The following ARMC2 variants were observed in gnomAD, a reference collection of about 807,000 sequenced individuals.
ARMC2 encodes the protein armadillo repeat containing 2.
Under a neutral mutation model 90.3 loss-of-function variants are expected in ARMC2, and 67 were observed. The ratio of observed to expected loss-of-function variants is 0.74; its 90% CI spans 0.61 to 0.91. The LOEUF (loss-of-function observed/expected upper bound fraction) is 0.91. Among genes scored for constraint, ARMC2 ranks in the 40% least tolerant of loss-of-function variants. The pLI is 0.00. For missense variants in ARMC2, 920 were observed against 1,030.9 expected (o/e 0.89, Z 1.47); for synonymous variants, 393 against 393.0 (o/e 1.00, Z 0.00).
rs549766267 is a variant in ARMC2 at position 108,956,115 on chromosome 6, G to A, written c.1915+2764G>A. The stretch of plus-strand genomic sequence containing the variant: ...AGCAGAAGCCTGAAACCGACTGGGC[G>A]AATTCTCATCTGTTGCAGAATTAAT... On this transcript the variant is annotated intron_variant, in intron 13 of 17. Transcript: ENST00000392644. 4.5e-4 allele frequency among the ~76,000 whole-genome samples: 68 copies of A among 152,260 alleles called. No individual in the cohort carries two copies. The East Asian group carries it at 0.011, about 24-fold the overall frequency.
chr6:109,021,604 AT>A, the ARMC2 span, among the ~76,000 whole-genome samples: 3 of 150,936 alleles, frequency 2.0e-5, no homozygotes, highest in African/African-American at 4.9e-5. Flanking sequence ...AGCCTGGCTA[AT>A]TTTTTTTTGT....
At chr6:108,886,476 G>C (rs2768532) in intron 5 of ARMC2, among the ~76,000 whole-genome samples, 143,219 of 152,220 alleles carry the variant, frequency 0.94, 67,815 homozygotes, top group Non-Finnish European at 1. Context: ...GAGGCTGTGG[G>C]AGGAGAATCA....
At chr6:108,900,886 C>G (rs1425596184) in intron 7 of ARMC2, among the ~76,000 whole-genome samples, 1 of 152,020 alleles carries the variant, frequency 6.6e-6, no homozygotes, top group Non-Finnish European at 1.5e-5. Flanking sequence ...TGACTTTTTC[C>G]CCTCTAGAGT....
chr6:109,046,178 C>T, the ARMC2 span, among the ~76,000 whole-genome samples: 10 of 151,456 alleles, frequency 6.6e-5, no homozygotes, highest in African/African-American at 2.4e-4. Context: ...CATCTCGGCT[C>T]ACTGCAACCT....
At chr6:108,961,167 G>A (rs1440860757) in intron 13 of ARMC2, among the ~76,000 whole-genome samples, 2 of 152,132 alleles carry the variant, frequency 1.3e-5, no homozygotes. Context: ...GTTGGGAGGC[G>A]GTGTGGGAAG....
intron 17 of ARMC2, among the ~76,000 whole-genome samples, chr6:108,968,509 T>C (rs11964743): frequency 0.016 from 2,377 of 152,288 alleles, 66 homozygotes; most frequent in African/African-American, 0.054. Flanking sequence ...ATGGGGACTG[T>C]GCCTTGTGGG....
intron 10 of ARMC2, among the ~76,000 whole-genome samples, chr6:108,916,375 T>A (rs915655222): frequency 1.3e-5 from 2 of 152,246 alleles, no homozygotes; most frequent in Non-Finnish European, 2.9e-5. Context: ...TGGCCAACAT[T>A]GCATTCAGTT....
chr6:109,012,068 A>G, the ARMC2 span, among the ~76,000 whole-genome samples: 2 of 152,190 alleles, frequency 1.3e-5, no homozygotes, highest in African/African-American at 4.8e-5. Flanking sequence ...TGCTCCTCTC[A>G]ACCTCTAGGG....
intron 5 of ARMC2, among the ~76,000 whole-genome samples, chr6:108,892,463 A>G (rs1032629981): frequency 3.3e-5 from 5 of 152,044 alleles, no homozygotes; most frequent in Admixed American, 2.6e-4. Flanking sequence ...GTGTTTAAAA[A>G]AAAAATGGGG....
intron 8 of ARMC2, among the ~76,000 whole-genome samples, chr6:108,908,611 G>T (rs534467098): frequency 6.6e-6 from 1 of 152,200 alleles, no homozygotes; most frequent in East Asian, 1.9e-4. Flanking sequence ...AGCCAGGCAT[G>T]GTGGCACATG....
chr6:108,989,400 TAG>T, the ARMC2 span, among the ~76,000 whole-genome samples: 3 of 150,562 alleles, frequency 2.0e-5, no homozygotes, highest in Non-Finnish European at 4.4e-5. Context: ...TCTCTATATA[TAG>T]ATAGATATCT....
the ARMC2 span, among the ~76,000 whole-genome samples, chr6:109,035,545 A>AG: frequency 1.3e-3 from 188 of 148,840 alleles, 1 homozygote; most frequent in African/African-American, 4.2e-3. Flanking sequence ...TACCCGGCAG[A>AG]GGGAAAAAAA....
intron 12 of ARMC2, among the ~76,000 whole-genome samples, chr6:108,949,547 C>T (rs1286202663): frequency 6.6e-6 from 1 of 152,150 alleles, no homozygotes; most frequent in Non-Finnish European, 1.5e-5. Flanking sequence ...GTTTATAGTC[C>T]TCAGCTTAGA....
intron 9 of ARMC2, 48 bp from the exon 10 acceptor site, chr6:108,912,287 C>T: frequency 7.4e-7 from 1 of 1,350,762 alleles, no homozygotes; most frequent in African/African-American, 1.5e-5. Context: ...ATATATTTCT[C>T]TCCAGCTGTT....
chr6:108,975,937 C>T (rs935740358), downstream of ARMC2, among the ~76,000 whole-genome samples: 21 of 152,142 alleles, frequency 1.4e-4, no homozygotes, highest in African/African-American at 4.3e-4. Flanking sequence ...AAAATTTTCT[C>T]GTATTCTGTA....
chr6:108,924,970 G>A (rs959913048), intron 10 of ARMC2, among the ~76,000 whole-genome samples: 4 of 152,190 alleles, frequency 2.6e-5, no homozygotes, highest in Admixed American at 1.3e-4. Context: ...GAGTTTAGGA[G>A]CTTGGGAAGG....
At chr6:109,000,292 TAG>T in the ARMC2 span, 1 of 423,592 alleles carries the variant, frequency 2.4e-6, no homozygotes, top group Non-Finnish European at 4.2e-6. Context: ...ATGTGAACTA[TAG>T]AGTTACTAGT....
chr6:108,893,743 G>C (rs1171338672), intron 5 of ARMC2, among the ~76,000 whole-genome samples: 1 of 152,186 alleles, frequency 6.6e-6, no homozygotes, highest in African/African-American at 2.4e-5. Flanking sequence ...GAGGCCAGGG[G>C]TGGTGGCCCA....
the ARMC2 span, among the ~76,000 whole-genome samples, chr6:108,985,190 T>C: frequency 1.2e-4 from 18 of 152,330 alleles, no homozygotes; most frequent in East Asian, 2.7e-3. Flanking sequence ...GTTTTACTTA[T>C]CTACTTATCT....
Sources: allele counts gnomAD v4.1 joint callset (sites outside exome capture counted in the v4.1 genomes callset), GRCh38; gene constraint gnomAD v4.1.1; transcripts MANE v1.5; gene names NCBI Gene and HGNC (gene_info 2026-07-23, HGNC 2026-07-21).